Variants in FCHSD2 observed in about 807,000 individuals in gnomAD.
FCHSD2 encodes F-BAR and double SH3 domains protein 2.
A neutral mutation model predicts 108.1 loss-of-function variants in FCHSD2; 38 were observed. That is an observed-to-expected ratio of 0.35 (90% CI 0.27 to 0.46). The LOEUF is 0.46. Among genes scored for constraint, FCHSD2 ranks in the 20% least tolerant of loss-of-function variants. FCHSD2 has a pLI of 1.00. For missense variants in FCHSD2, 751 were observed against 897.8 expected, an observed-to-expected ratio of 0.84 and a Z score of 2.09; for synonymous variants, 279 against 314.7, an observed-to-expected ratio of 0.89 and a Z score of 1.20.
intron 5 of FCHSD2, among the ~76,000 whole-genome samples, chr11:72,990,208 C>T (rs1418543128): frequency 3.3e-5 from 5 of 152,104 alleles, no homozygotes; most frequent in Non-Finnish European, 5.9e-5. Context: ...CCCCTCTGCA[C>T]GAAACTGGGC....
chr11:73,097,874 A>G (rs996621839), intron 2 of FCHSD2, among the ~76,000 whole-genome samples: 2 of 151,968 alleles, frequency 1.3e-5, no homozygotes, highest in Non-Finnish European at 2.9e-5. Context: ...GAGTCTTGCT[A>G]TGTTATCCCA....
chr11:72,903,583 T>C (rs1423794300), intron 9 of FCHSD2, among the ~76,000 whole-genome samples: 1 of 152,090 alleles, frequency 6.6e-6, no homozygotes, highest in African/African-American at 2.4e-5. Context: ...AAGGCAGCCA[T>C]CTGAAAAGAA....
intron 9 of FCHSD2, among the ~76,000 whole-genome samples, chr11:72,905,849 T>C (rs368418620): frequency 1.7e-4 from 26 of 152,366 alleles, no homozygotes; most frequent in African/African-American, 5.1e-4. Flanking sequence ...TGATGGACAT[T>C]TGGGTTGGCT....
chr11:72,896,655 G>A (rs1418489912), intron 10 of FCHSD2, among the ~76,000 whole-genome samples: 2 of 150,622 alleles, frequency 1.3e-5, no homozygotes, highest in Non-Finnish European at 2.9e-5. Flanking sequence ...CAATAAGGGA[G>A]TTGAGAGCTA....
At chr11:72,931,365 CTAA>C (rs1856188419) in intron 8 of FCHSD2, among the ~76,000 whole-genome samples, 1 of 148,798 alleles carries the variant, frequency 6.7e-6, no homozygotes, top group Non-Finnish European at 1.5e-5. Context: ...CCTCAGCCTC[CTAA>C]AGTGCTGGGA....
chr11:72,992,552 A>G (rs1410923268), intron 5 of FCHSD2, among the ~76,000 whole-genome samples: 1 of 152,230 alleles, frequency 6.6e-6, no homozygotes, highest in Non-Finnish European at 1.5e-5. Context: ...ACTGGTACCA[A>G]AACAGAGATA....
intron 12 of FCHSD2, among the ~76,000 whole-genome samples, chr11:72,873,946 C>T (rs1383209693): frequency 6.6e-6 from 1 of 152,210 alleles, no homozygotes; most frequent in African/African-American, 2.4e-5. Flanking sequence ...AAAAAGGATA[C>T]TACCGTGCCA....
intron 3 of FCHSD2, among the ~76,000 whole-genome samples, chr11:73,056,870 C>T (rs1350740058): frequency 6.6e-6 from 1 of 152,060 alleles, no homozygotes; most frequent in East Asian, 1.9e-4. Context: ...ATCACAGGGT[C>T]AGGAGATTGA....
intron 3 of FCHSD2, among the ~76,000 whole-genome samples, chr11:73,073,637 GTCAA>G (rs2135502694): frequency 6.6e-6 from 1 of 152,220 alleles, no homozygotes; most frequent in African/African-American, 2.4e-5. Flanking sequence ...AATCTTTTTA[GTCAA>G]TCAATCCTTT....
chr11:73,136,634 C>T (rs1233031215), intron 2 of FCHSD2, among the ~76,000 whole-genome samples: 1 of 152,158 alleles, frequency 6.6e-6, no homozygotes, highest in Non-Finnish European at 1.5e-5. Flanking sequence ...TTCATACTAA[C>T]TTAAATTGAG....
chr11:73,045,893 T>C (rs1290965590), intron 3 of FCHSD2, among the ~76,000 whole-genome samples: 1 of 151,718 alleles, frequency 6.6e-6, no homozygotes, highest in African/African-American at 2.4e-5. Context: ...AATGTGCACA[T>C]GTACCCTAAA....
chr11:73,038,341 C>CT (rs1350851579), intron 3 of FCHSD2, among the ~76,000 whole-genome samples: 2 of 141,602 alleles, frequency 1.4e-5, no homozygotes, highest in Non-Finnish European at 3.1e-5. Flanking sequence ...GACCCTGTCT[C>CT]TTTAAGAAAA....
At chr11:73,093,888 A>G (rs1460305572) in intron 2 of FCHSD2, among the ~76,000 whole-genome samples, 1 of 145,698 alleles carries the variant, frequency 6.9e-6, no homozygotes, top group East Asian at 2.4e-4. Flanking sequence ...TACAGGCGTG[A>G]GCCACCACAT....
chr11:73,056,841 G>T (rs1859036635), intron 3 of FCHSD2, among the ~76,000 whole-genome samples: 1 of 152,160 alleles, frequency 6.6e-6, no homozygotes. Flanking sequence ...CCAGCACTTT[G>T]GGAGGCCAAG....
In FCHSD2 at chr11:72,988,974, T is replaced by C. The variant is rs748626464; in HGVS notation, c.511A>G (p.Ile171Val). 3.1e-6 allele frequency: 5 copies of C among 1,604,140 alleles called. No homozygotes were observed. The South Asian group carries it at 4.5e-5, about 14-fold the overall frequency. Residue 171 changes from isoleucine to valine, a missense_variant, in exon 6 of 20, where the codon ATC becomes GTC. Transcript: ENST00000409418. The part of the protein sequence containing the change: ...MAHAVREKAD[I>V]EAKSKLSLFQ... ...TGTTAAAACACATACTTTGCCTCGA[T>C]GTCAGCTTTCTCTCGTACTGCATGA...
At chr11:73,059,578 C>T (rs1859113888) in intron 3 of FCHSD2, among the ~76,000 whole-genome samples, 1 of 152,152 alleles carries the variant, frequency 6.6e-6, no homozygotes, top group Admixed American at 6.5e-5. Context: ...TCAACCAATA[C>T]TTCTAATCTT....
chr11:72,871,543 A>G (rs959919908), intron 12 of FCHSD2, among the ~76,000 whole-genome samples: 14 of 152,052 alleles, frequency 9.2e-5, no homozygotes, highest in Non-Finnish European at 1.6e-4. Flanking sequence ...TAACCTAAGT[A>G]AAGTTCCACT....
At chr11:72,851,088 C>A (rs537272117) in intron 13 of FCHSD2, among the ~76,000 whole-genome samples, 1 of 104,784 alleles carries the variant, frequency 9.5e-6, no homozygotes. Flanking sequence ...GGCGACACAG[C>A]GTGACTCTGT....
chr11:73,124,271 G>A (rs953037323), intron 2 of FCHSD2, among the ~76,000 whole-genome samples: 1 of 152,148 alleles, frequency 6.6e-6, no homozygotes, highest in Non-Finnish European at 1.5e-5. Context: ...GGGATGGGGG[G>A]ACGGGGAAGG....
Sources: gnomAD v4.1 joint callset for allele counts (sites outside exome capture counted in the v4.1 genomes callset) on GRCh38, gnomAD v4.1.1 for gene constraint, MANE v1.5 for transcripts, NCBI Gene and HGNC (gene_info 2026-07-23, HGNC 2026-07-21) for gene names.